The following PCDHGA9 variants were observed in gnomAD, a reference collection of about 807,000 sequenced individuals.
The protein encoded by PCDHGA9 is protocadherin gamma subfamily A, 9.
A neutral mutation model predicts 62.5 loss-of-function variants in PCDHGA9; 37 were observed. The observed-to-expected ratio is 0.59, with a 90% confidence interval of 0.46 to 0.78. The LOEUF is 0.78. Ranked by LOEUF, PCDHGA9 falls within the 30% of genes least tolerant of loss-of-function variation. PCDHGA9 has a pLI of 0.00. For synonymous variants in PCDHGA9, 459 were observed against 484.6 expected, an observed-to-expected ratio of 0.95 and a Z score of 0.69; for missense variants, 1,138 against 1,166.2, an observed-to-expected ratio of 0.98 and a Z score of 0.35.
Position 141,418,176 on chromosome 5 carries a change from T to G in PCDHGA9, c.2424+12800T>G, listed in dbSNP as rs1197334192. 1 of 1,614,078 alleles carries G rather than the reference T, an allele frequency of 6.2e-7. No individual in the cohort carries two copies. Among genetic ancestry groups the G allele is most frequent in the Non-Finnish European group, 8.5e-7 (1 of 1,179,908 alleles). On this transcript the variant is annotated intron_variant, in intron 1 of 3. Coordinates refer to ENST00000573521, the MANE Select transcript of PCDHGA9 (RefSeq NM_018921.3). ...GAGAGAAGAAGATGTGAGTTGCAAT[T>G]GGAAGCTGTGGTGGAAAATCCTTTA...
chr5:141,509,051 A>G (rs1051961974), intron 3 of PCDHGA9, among the ~76,000 whole-genome samples: 1 of 152,166 alleles, frequency 6.6e-6, no homozygotes, highest in Admixed American at 6.5e-5. Context: ...CCCCGCCCCC[A>G]GAAAGCTCTC....
intron 1 of PCDHGA9, chr5:141,439,888 A>G (rs2098137228): frequency 6.6e-6 from 1 of 152,384 alleles, no homozygotes. Context: ...TCTGGGTAGA[A>G]CCAAGGCGAC....
In PCDHGA9 at chr5:141,472,980, C is replaced by CAAAA. The variant is rs60579131; in HGVS notation, c.2425-21813_2425-21810dup. ...CAGCCTGGGGAACAAGAGTGAAACT[C>CAAAA]AAAAAAAAAAAAAAAAAGAAAGAAA... On this transcript the variant is annotated intron_variant, in intron 1 of 3. Transcript: ENST00000573521. 5.5e-3 allele frequency among the ~76,000 whole-genome samples: 472 copies of CAAAA among 85,978 alleles called. 4 individuals carry two copies. The highest frequency in any genetic ancestry group is 0.013 in the Admixed American group (104 of 8,158). The allele number at this position is 85,978 out of a possible 152,430, so 56.4% of individuals were successfully genotyped here. A position where few individuals can be genotyped will look rare whatever the true frequency, so the allele number is the denominator to read the frequency against.
chr5:141,408,461 A>G, intron 1 of PCDHGA9: 4 of 1,614,044 alleles, frequency 2.5e-6, no homozygotes, highest in Non-Finnish European at 3.4e-6. Context: ...CTTACTTGTG[A>G]AGAACCGAAT....
chr5:141,434,566 G>A (rs1280487112), intron 1 of PCDHGA9, among the ~76,000 whole-genome samples: 1 of 152,196 alleles, frequency 6.6e-6, no homozygotes, highest in African/African-American at 2.4e-5. Flanking sequence ...TTAAGGACAT[G>A]CCCCTGCTGC....
intron 1 of PCDHGA9, chr5:141,417,651 A>G (rs2154547111): frequency 1.2e-6 from 1 of 822,038 alleles, no homozygotes; most frequent in Non-Finnish European, 1.8e-6. Flanking sequence ...CTCAGCCTCT[A>G]GCCTGGGATT....
At chr5:141,415,401 G>A (rs1408496357) in intron 1 of PCDHGA9, 9 of 1,614,088 alleles carry the variant, frequency 5.6e-6, no homozygotes, top group East Asian at 2.2e-5. Context: ...TGTCCGGCTC[G>A]CACTTTGTGG....
chr5:141,410,104 C>T, intron 1 of PCDHGA9: 1 of 1,612,582 alleles, frequency 6.2e-7, no homozygotes, highest in African/African-American at 1.3e-5. Context: ...CCTTAGGCGA[C>T]AGGGACGCAG....
In PCDHGA9 at chr5:141,486,518, A is replaced by G; in HGVS notation, c.2425-8289A>G. The G allele has an allele frequency of 6.2e-7, 1 of 1,614,132 alleles. No homozygotes were observed. Among genetic ancestry groups the G allele is most frequent in the Non-Finnish European group, 8.5e-7 (1 of 1,179,996 alleles). On this transcript the variant is annotated intron_variant, in intron 1 of 3. Coordinates refer to ENST00000573521, the MANE Select transcript of PCDHGA9 (RefSeq NM_018921.3). The surrounding 1 kb of genome is among the most constrained non-coding windows in gnomAD (Gnocchi z 5.0). ...TATTTTCCTCAATATTTCAGATGTG[A>G]ATGATAATCCACCCTCTTTCTTTCA...
At chr5:141,417,770 T>G in intron 1 of PCDHGA9, 1 of 1,456,418 alleles carries the variant, frequency 6.9e-7, no homozygotes, top group Non-Finnish European at 9.1e-7. Context: ...CCGGGACTCC[T>G]CCTGTCCTGG....
intron 1 of PCDHGA9, chr5:141,423,124 C>T (rs748586131): frequency 1.9e-6 from 3 of 1,613,778 alleles, no homozygotes; most frequent in Non-Finnish European, 1.7e-6. Context: ...AGCGCGGGCA[C>T]TGCTGGACAG....
chr5:141,455,406 C>A (rs991797932), intron 1 of PCDHGA9, among the ~76,000 whole-genome samples: 1 of 152,108 alleles, frequency 6.6e-6, no homozygotes, highest in Non-Finnish European at 1.5e-5. Flanking sequence ...CTTACAGAGA[C>A]AGAGGGAGCG....
intron 1 of PCDHGA9, chr5:141,478,342 G>T (rs1489278202): frequency 6.2e-7 from 1 of 1,613,862 alleles, no homozygotes; most frequent in Non-Finnish European, 8.5e-7. Flanking sequence ...GGCCCTCCTT[G>T]CACGCGGACG....
At chr5:141,417,384 GAAGA>G (rs2096114648) in intron 1 of PCDHGA9, 1 of 154,070 alleles carries the variant, frequency 6.5e-6, no homozygotes, top group African/African-American at 2.4e-5. Context: ...TTTAAATTTT[GAAGA>G]AAAAATATTC....
At chr5:141,488,599 C>T (rs1017044328) in intron 1 of PCDHGA9, among the ~76,000 whole-genome samples, 1 of 152,152 alleles carries the variant, frequency 6.6e-6, no homozygotes, top group Non-Finnish European at 1.5e-5. Flanking sequence ...CAAGACTTTA[C>T]AAGGTTCTTA....
chr5:141,470,870 G>GT (rs1230952624), intron 1 of PCDHGA9, among the ~76,000 whole-genome samples: 1 of 151,546 alleles, frequency 6.6e-6, no homozygotes, highest in Non-Finnish European at 1.5e-5. Context: ...TTGTTTGTTT[G>GT]TTTTTTTGTT....
chr5:141,505,618 A>G, intron 3 of PCDHGA9, 137 bp downstream of exon 3: 6 of 1,496,136 alleles, frequency 4.0e-6, no homozygotes, highest in Non-Finnish European at 5.4e-6. Flanking sequence ...GAAAGGACCC[A>G]CAATTCCAAA....
chr5:141,455,104 G>T (rs2098813087), intron 1 of PCDHGA9, among the ~76,000 whole-genome samples: 1 of 151,780 alleles, frequency 6.6e-6, no homozygotes, highest in Non-Finnish European at 1.5e-5. Flanking sequence ...GAGCCACTGC[G>T]CCCGGTGGGT....
intron 1 of PCDHGA9, chr5:141,478,613 G>T: frequency 6.4e-7 from 1 of 1,557,312 alleles, no homozygotes; most frequent in African/African-American, 1.4e-5. Flanking sequence ...ATTGAGGAAG[G>T]AATGGAGCTG....
Sources: gnomAD v4.1 joint callset for allele counts (sites outside exome capture counted in the v4.1 genomes callset) on GRCh38, gnomAD v4.1.1 for gene constraint, Gnocchi (gnomAD v3.1) non-coding constraint, MANE v1.5 for transcripts, NCBI Gene and HGNC (gene_info 2026-07-23, HGNC 2026-07-21) for gene names.